COA6: variants seen among roughly 807,000 people sequenced by gnomAD.
COA6 encodes cytochrome c oxidase assembly factor 6, also known as cytochrome c oxidase assembly factor 6 homolog.
A neutral mutation model predicts 17.1 loss-of-function variants in COA6; 12 were observed. The observed-to-expected ratio is 0.70, with a 90% CI of 0.45 to 1.14. The LOEUF (loss-of-function observed/expected upper bound fraction) is 1.14, where lower values mean the gene tolerates loss of function less well. Ranked by LOEUF, COA6 falls within the 50% of genes most tolerant of loss-of-function variation. The pLI is 0.00. For missense variants in COA6, 246 were observed against 196.5 expected, an observed-to-expected ratio of 1.25 and a Z score of -1.51; for synonymous variants, 90 against 73.4, an observed-to-expected ratio of 1.23 and a Z score of -1.16.
At chr1:234,383,036 A>AGGGAGGGAGGGAGGGAGGGAGGG (rs1659019881) in intron 2 of COA6, among the ~76,000 whole-genome samples, 1 of 49,362 alleles carries the variant, frequency 2.0e-5, no homozygotes, top group African/African-American at 8.7e-5. Flanking sequence ...AGAGAGAAGG[A>AGGGAGGGAGGGAGGGAGGGAGGG]AGGGAGGGAG....
chr1:234,374,197 A>G (rs749817867), intron 1 of COA6, 33 bp from the exon 2 acceptor site: 8 of 1,585,474 alleles, frequency 5.0e-6, no homozygotes, highest in African/African-American at 2.7e-5. Flanking sequence ...TACAAAGTTC[A>G]TTGTTAATCT....
rs1382235616 is a variant in COA6 at position 234,384,788 on chromosome 1, A to G, written c.*970A>G. Among the ~76,000 whole-genome samples, 1 of 152,232 alleles carries G rather than the reference A, an allele frequency of 6.6e-6. No homozygotes were observed. Among genetic ancestry groups the G allele is most frequent in the African/African-American group, 2.4e-5 (1 of 41,462 alleles). ...ACGAGTAAAAATAATAAAAATTTAA[A>G]AATCCAGTATAACACCTATTTACAT... is the stretch of plus-strand genomic sequence containing the variant. On this transcript the variant is annotated 3_prime_UTR_variant, in exon 3 of 3. Transcript: ENST00000366615.
At chr1:234,383,071 G>T (rs1042590907) in intron 2 of COA6, among the ~76,000 whole-genome samples, 6 of 146,268 alleles carry the variant, frequency 4.1e-5, no homozygotes, top group African/African-American at 7.6e-5. Context: ...AGGGAGGGAA[G>T]GGAATGGAAG....
At chr1:234,376,189 A>G (rs1302505415) in intron 2 of COA6, among the ~76,000 whole-genome samples, 1 of 152,088 alleles carries the variant, frequency 6.6e-6, no homozygotes, top group East Asian at 1.9e-4. Context: ...TTCCCCTTCG[A>G]TCCCACTTTT....
intron 2 of COA6, among the ~76,000 whole-genome samples, chr1:234,379,877 G>C (rs1658918994): frequency 6.6e-6 from 1 of 152,140 alleles, no homozygotes; most frequent in Non-Finnish European, 1.5e-5. Flanking sequence ...CCTTCACCTG[G>C]TCTCTCCCTT....
intron 2 of COA6, among the ~76,000 whole-genome samples, chr1:234,383,402 G>A (rs1214286269): frequency 6.0e-5 from 9 of 150,494 alleles, no homozygotes; most frequent in African/African-American, 2.2e-4. Context: ...GGGGAGGGGG[G>A]GACAGATAGC....
chr1:234,380,802 C>T (rs1486268285), intron 2 of COA6, among the ~76,000 whole-genome samples: 1 of 152,206 alleles, frequency 6.6e-6, no homozygotes, highest in East Asian at 1.9e-4. Context: ...GAGGTCGGGA[C>T]CAGCCTGGCC....
In COA6 at chr1:234,374,316, A is replaced by G. The variant is rs1216451759; in HGVS notation, c.299A>G (p.Asp100Gly). The G allele has an allele frequency of 6.2e-7, 1 of 1,614,104 alleles. No homozygotes were observed. The highest frequency in any genetic ancestry group is 1.7e-5 in the Admixed American group (1 of 60,022). The stretch of plus-strand genomic sequence containing the variant: ...CGGGATGAGTACTGGAAGTGTTTAG[A>G]TGAGAACTTAGAGGATGCTTCTCAA... ...GARDEYWKCL[D>G]ENLEDASQCK... The change falls in exon 2 of 3, where the codon GAT (aspartate) becomes GGT (glycine). Residue 100 changes from aspartate to glycine, a missense_variant. Asp to Gly is a moderately conservative substitution (Grantham distance 94, BLOSUM62 -1). Coordinates refer to ENST00000366615, the MANE Select transcript of COA6 (RefSeq NM_001206641.3).
intron 2 of COA6, among the ~76,000 whole-genome samples, chr1:234,381,336 A>G (rs1658965514): frequency 6.6e-6 from 1 of 152,164 alleles, no homozygotes; most frequent in Non-Finnish European, 1.5e-5. Flanking sequence ...CTGTTGGTTG[A>G]AAGAGAAGGT....
Position 234,373,685 on chromosome 1 carries a change from T to C in COA6, c.212+7T>C. On this transcript the variant is annotated splice_region_variant and intron_variant, in intron 1 of 2. Coordinates refer to ENST00000366615, the MANE Select transcript of COA6 (RefSeq NM_001206641.3). ...GACGTGGGCGGGCAGAGAGGTCGGC[T>C]TGCTGATGGGTCCGGGTGGGGCGCG... 1.2e-6 allele frequency: 2 copies of C among 1,612,852 alleles called. No homozygotes were observed. Among genetic ancestry groups the C allele is most frequent in the Non-Finnish European group, 1.7e-6 (2 of 1,179,030 alleles).
rs1305663791 is a variant in COA6 at position 234,384,748 on chromosome 1, T to C, written c.*930T>C. ...GGATTCAACCCCGAAGAGAAAATTT[T>C]TGGGAAAAGGAAAAACGAGTAAAAA... is the stretch of plus-strand genomic sequence containing the variant. On this transcript the variant is annotated 3_prime_UTR_variant, in exon 3 of 3. Transcript: ENST00000366615. Among the ~76,000 whole-genome samples, 1 of 152,130 alleles carries C rather than the reference T, an allele frequency of 6.6e-6. No individual in the cohort carries two copies. Among genetic ancestry groups the C allele is most frequent in the African/African-American group, 2.4e-5 (1 of 41,418 alleles).
chr1:234,383,610 G>A, intron 2 of COA6, 113 bp from the exon 3 acceptor site: 2 of 568,420 alleles, frequency 3.5e-6, no homozygotes, highest in Non-Finnish European at 3.2e-6. Flanking sequence ...AATGGTTCTA[G>A]AATATAAATC....
intron 1 of COA6, 148 bp from the exon 2 acceptor site, chr1:234,374,082 A>G: frequency 3.9e-6 from 4 of 1,032,206 alleles, no homozygotes; most frequent in Non-Finnish European, 5.5e-6. Flanking sequence ...GCCTCATCAA[A>G]ATCCCTAAGC....
chr1:234,373,657 C>G lies in COA6; in HGVS notation c.191C>G (p.Ala64Gly), dbSNP rs117011051. ...TCCTCCCGTCGACATCGAAAGGAAG[C>G]CGGACGTGGGCGGGCAGAGAGGTCG... is the stretch of plus-strand genomic sequence containing the variant. ...TVSSRRHRKE[A>G]GRGRAESFIA... Residue 64 changes from alanine to glycine, a missense_variant, in exon 1 of 3, where the codon GCC (alanine) becomes GGC (glycine). Coordinates refer to ENST00000366615, the MANE Select transcript of COA6 (RefSeq NM_001206641.3). The G allele has an allele frequency of 2.7e-3, 4,368 of 1,612,910 alleles. 52 individuals carry two copies. Among genetic ancestry groups the G allele is most frequent in the East Asian group, 0.019 (875 of 44,872 alleles).
chr1:234,379,025 T>C (rs1022394307), intron 2 of COA6, among the ~76,000 whole-genome samples: 7 of 147,760 alleles, frequency 4.7e-5, no homozygotes, highest in South Asian at 2.1e-4. Context: ...TTTTTTTTTT[T>C]CCAGACAGTC....
At chr1:234,378,400 T>C (rs1013382389) in intron 2 of COA6, among the ~76,000 whole-genome samples, 6 of 152,154 alleles carry the variant, frequency 3.9e-5, no homozygotes, top group Non-Finnish European at 8.8e-5. Flanking sequence ...AAAAGGATGT[T>C]ATATGGTGAT....
chr1:234,374,803 A>G (rs1018711192), intron 2 of COA6, among the ~76,000 whole-genome samples: 5 of 152,160 alleles, frequency 3.3e-5, no homozygotes, highest in Non-Finnish European at 5.9e-5. Context: ...CCCAAAATAT[A>G]AAGAAAGGAG....
At chr1:234,383,071 G>GGGAAT (rs1558126830) in intron 2 of COA6, among the ~76,000 whole-genome samples, 4 of 146,368 alleles carry the variant, frequency 2.7e-5, no homozygotes, top group African/African-American at 7.5e-5. Flanking sequence ...AGGGAGGGAA[G>GGGAAT]GGAATGGAAG....
chr1:234,373,999 A>T (rs1011383326), intron 1 of COA6: 1 of 1,019,158 alleles, frequency 9.8e-7, no homozygotes, highest in African/African-American at 1.6e-5. Flanking sequence ...GCAGGGATCA[A>T]ATCACACAGT....
Sources: gnomAD v4.1 joint callset for allele counts (sites outside exome capture counted in the v4.1 genomes callset) on GRCh38, gnomAD v4.1.1 for gene constraint, MANE v1.5 for transcripts, NCBI Gene and HGNC (gene_info 2026-07-23, HGNC 2026-07-21) for gene names.